CPSF4: variants seen among roughly 807,000 people sequenced by gnomAD.
The protein encoded by CPSF4 is cleavage and polyadenylation specific factor 4.
In CPSF4, 11 loss-of-function variants were observed where a neutral mutation model predicts 37.7. That is an observed-to-expected ratio of 0.29 (90% CI 0.18 to 0.48). The LOEUF (loss-of-function observed/expected upper bound fraction) is 0.48. CPSF4 is among the 20% of genes least tolerant of loss of function. The pLI is 0.99. For synonymous variants in CPSF4, 132 were observed against 135.9 expected, an observed-to-expected ratio of 0.97 and a Z score of 0.20; for missense variants, 144 against 359.5, an observed-to-expected ratio of 0.40 and a Z score of 4.85.
intron 6 of CPSF4, 179 bp downstream of exon 6, chr7:99,452,619 C>T (rs986134628): frequency 4.0e-5 from 24 of 596,826 alleles, no homozygotes; most frequent in South Asian, 9.6e-5. Flanking sequence ...CCTCGAGAGA[C>T]GGAGGGCCTC....
intron 6 of CPSF4, chr7:99,452,647 C>A: frequency 1.8e-6 from 1 of 568,462 alleles, no homozygotes; most frequent in South Asian, 2.0e-5. Flanking sequence ...AGAACCTCAG[C>A]AAGGCCAAGC....
At chr7:99,443,464 C>T (rs1403995120) in intron 1 of CPSF4, 4 of 986,130 alleles carry the variant, frequency 4.1e-6, no homozygotes, top group South Asian at 1.3e-5. Context: ...TAGCAAGCTT[C>T]AGCTTATGGA....
intron 7 of CPSF4, among the ~76,000 whole-genome samples, chr7:99,456,203 G>C (rs563866519): frequency 6.6e-6 from 1 of 152,362 alleles, no homozygotes; most frequent in Admixed American, 6.5e-5. Context: ...GTTCTCCCTT[G>C]CATCTGCGGA....
rs570745620 is a variant in CPSF4, at chr7:99,448,496, C to T, written c.307+223C>T. 6.3e-6 allele frequency: 3 copies of T among 478,180 alleles called. No individual in the cohort carries two copies. The highest frequency in any genetic ancestry group is 4.0e-5 in the Admixed American group (1 of 25,226). The allele number at this position is 478,180 out of a possible 1,614,324, so 29.6% of individuals were successfully genotyped here. A position where few individuals can be genotyped will look rare whatever the true frequency, so the allele number is the denominator to read the frequency against. On this transcript the variant is annotated intron_variant, in intron 3 of 7. Coordinates refer to ENST00000292476, the MANE Select transcript of CPSF4 (RefSeq NM_006693.4). This position sits in a 1 kb window ranked among gnomAD's most constrained non-coding sequence, Gnocchi z 4.4. ...TTTTTTTTTTAAAGACATAGGGTCT[C>T]GCTATGTTTCACATACTGGTCTTGA...
chr7:99,450,373 T>TCCCCTCTGC lies in CPSF4; in HGVS notation c.403+2_403+3insCCCCTCTGC. ...ATGACCGTGGCTTCTGCAAGCACGGTAGGTGCCAGGGTGGGCTGGGCCCCG... is the reference window on the plus strand; with the variant it reads ...ATGACCGTGGCTTCTGCAAGCACGGTCCCCTCTGCAGGTGCCAGGGTGGGCTGGGCCCCG... On this transcript the variant is annotated splice_region_variant and intron_variant, in intron 4 of 7. Transcript: ENST00000292476. 6.2e-7 allele frequency: 1 copy of TCCCCTCTGC among 1,607,452 alleles called. No homozygotes were observed. The highest frequency in any genetic ancestry group is 1.1e-5 in the South Asian group (1 of 90,826).
Position 99,446,771 on chromosome 7 carries a change from C to CTTTTTT in CPSF4, c.155-1318_155-1313dup. On this transcript the variant is annotated intron_variant, in intron 2 of 7. Transcript: ENST00000292476. Reference sequence around the variant, plus strand: ...TACAGGTGTACACCACCATACCCAGCTTTTTTTTTTTTTTTTTTTTTTTTT... The same window carrying CTTTTTT: ...TACAGGTGTACACCACCATACCCAGCTTTTTTTTTTTTTTTTTTTTTTTTTTTTTTT... Among the ~76,000 whole-genome samples the CTTTTTT allele has an allele frequency of 1.4e-4, 4 of 29,126 alleles. 2 individuals carry two copies. The highest frequency in any genetic ancestry group is 9.0e-4 in the African/African-American group (4 of 4,440). 19.1% of individuals were successfully genotyped at this position (29,126 alleles called of 152,430 possible). A position where few individuals can be genotyped will look rare whatever the true frequency, so the allele number is the denominator to read the frequency against.
At chr7:99,452,288 G>A in intron 5 of CPSF4, 80 bp from the exon 6 acceptor site, 6 of 1,211,704 alleles carry the variant, frequency 5.0e-6, no homozygotes, top group Non-Finnish European at 7.3e-6. Context: ...TGGAATTTAA[G>A]AGCATGGCCT....
At chr7:99,454,848 G>A (rs546268017) in intron 7 of CPSF4, among the ~76,000 whole-genome samples, 6 of 152,230 alleles carry the variant, frequency 3.9e-5, no homozygotes, top group South Asian at 2.1e-4. Flanking sequence ...AACCCAAGGC[G>A]CACACAATTC....
chr7:99,454,239 C>G, intron 7 of CPSF4, 103 bp downstream of exon 7: 4 of 1,114,796 alleles, frequency 3.6e-6, no homozygotes, highest in Non-Finnish European at 5.1e-6. Flanking sequence ...TGAAAACATT[C>G]ATTTTTGCTG....
chr7:99,450,888 C>G, intron 5 of CPSF4, 93 bp downstream of exon 5: 1 of 896,372 alleles, frequency 1.1e-6, no homozygotes, highest in Non-Finnish European at 1.8e-6. Context: ...GCCTTGGTCA[C>G]TGGGTGATGT....
chr7:99,444,004 A>C (rs1797266672), intron 1 of CPSF4, among the ~76,000 whole-genome samples: 1 of 152,284 alleles, frequency 6.6e-6, no homozygotes, highest in African/African-American at 2.4e-5. Context: ...TTCCCCCTGG[A>C]CTAGCATCTC....
At chr7:99,456,142 G>C (rs552125774) in intron 7 of CPSF4, among the ~76,000 whole-genome samples, 1 of 152,232 alleles carries the variant, frequency 6.6e-6, no homozygotes, top group Non-Finnish European at 1.5e-5. Flanking sequence ...AGGTGGGAGA[G>C]TTGTGGGCCT....
At chr7:99,452,294 G>T (rs1233037629) in intron 5 of CPSF4, 74 bp from the exon 6 acceptor site, 3 of 1,257,856 alleles carry the variant, frequency 2.4e-6, no homozygotes, top group Non-Finnish European at 3.5e-6. Context: ...TTAAGAGCAT[G>T]GCCTGGCTTC....
At chr7:99,449,753 C>T (rs914152816) in intron 3 of CPSF4, among the ~76,000 whole-genome samples, 1 of 152,158 alleles carries the variant, frequency 6.6e-6, no homozygotes, top group African/African-American at 2.4e-5. Context: ...CTTCTCTAGG[C>T]TGAGTGGTCA....
chr7:99,445,260 T>C (rs1797385619), intron 2 of CPSF4, among the ~76,000 whole-genome samples: 1 of 152,174 alleles, frequency 6.6e-6, no homozygotes, highest in Non-Finnish European at 1.5e-5. Flanking sequence ...ATAACCCATC[T>C]TGCGGGGTCT....
At chr7:99,440,674 A>ATATATATATATTTT in intron 1 of CPSF4, among the ~76,000 whole-genome samples, 3 of 88,130 alleles carry the variant, frequency 3.4e-5, no homozygotes, top group East Asian at 3.4e-4. Context: ...ATATATATAT[A>ATATATATATATTTT]TTTTTTTTTT....
At chr7:99,449,368 C>CG (rs1256175197) in intron 3 of CPSF4, among the ~76,000 whole-genome samples, 1 of 152,248 alleles carries the variant, frequency 6.6e-6, no homozygotes, top group African/African-American at 2.4e-5. Context: ...ATGTTCCCCC[C>CG]GATGCCTTGC....
At chr7:99,444,606 G>A (rs1248175286) in intron 1 of CPSF4, among the ~76,000 whole-genome samples, 183 bp from the exon 2 acceptor site, 2 of 152,152 alleles carry the variant, frequency 1.3e-5, no homozygotes, top group Admixed American at 6.6e-5. Flanking sequence ...TTTGTAGGGC[G>A]TGACTAACTT....
In CPSF4 at chr7:99,456,529, C is replaced by A. The variant is rs577894145; in HGVS notation, c.*29C>A. 6.2e-6 allele frequency: 10 copies of A among 1,603,984 alleles called. No homozygotes were observed. The South Asian group carries it at 9.9e-5, about 16-fold the overall frequency. On this transcript the variant is annotated 3_prime_UTR_variant, in exon 8 of 8. Coordinates refer to ENST00000292476, the MANE Select transcript of CPSF4 (RefSeq NM_006693.4). ...CAGCTGGAGCCAGCTCCGAGCAGCC[C>A]GGGGGCCCCGCTGTTGGGAGTGTGC...
Sources: allele counts gnomAD v4.1 joint callset (sites outside exome capture counted in the v4.1 genomes callset), GRCh38; gene constraint gnomAD v4.1.1; non-coding constraint Gnocchi (gnomAD v3.1); transcripts MANE v1.5; gene names NCBI Gene and HGNC (gene_info 2026-07-23, HGNC 2026-07-21).